SRSF6: variants seen among roughly 807,000 people sequenced by gnomAD.
The protein encoded by SRSF6 is serine/arginine-rich splicing factor 6.
In SRSF6, 17 loss-of-function variants were observed where a neutral mutation model predicts 42.0. The ratio of observed to expected loss-of-function variants is 0.40; its 90% CI spans 0.28 to 0.61. The LOEUF is 0.61. Ranked by LOEUF, SRSF6 falls within the 20% of genes least tolerant of loss-of-function variation. SRSF6 has a pLI of 0.37. For missense variants in SRSF6, 379 were observed against 471.4 expected, an observed-to-expected ratio of 0.80 and a Z score of 1.81; for synonymous variants, 204 against 166.7, an observed-to-expected ratio of 1.22 and a Z score of -1.72.
chr20:43,458,282 G>T, intron 1 of SRSF6, 79 bp from the exon 2 acceptor site: 1 of 1,404,020 alleles, frequency 7.1e-7, no homozygotes, highest in Non-Finnish European at 9.3e-7. Context: ...GGGGGCGCGC[G>T]GTGGGGTACG....
intron 4 of SRSF6, 84 bp from the exon 5 acceptor site, chr20:43,460,431 C>T (rs2017566082): frequency 2.2e-6 from 3 of 1,388,428 alleles, no homozygotes; most frequent in East Asian, 2.3e-5. Context: ...AAACATTATT[C>T]TTTGGCTTAT....
At position 43,461,344 on chromosome 20, in the gene SRSF6, T is replaced by TTTG. The variant is rs1568901728; in HGVS notation, c.*283_*284insGTT. ...TTAAGCTCATTTAGTGTTGTTTTTTTTTTTTTTTTTTTTTTTTTTTTTTTT... is the reference window on the plus strand; with the variant it reads ...TTAAGCTCATTTAGTGTTGTTTTTTTTTGTTTTTTTTTTTTTTTTTTTTTTTTT... On this transcript the variant is annotated 3_prime_UTR_variant, in exon 6 of 6. Coordinates refer to ENST00000244020, the MANE Select transcript of SRSF6 (RefSeq NM_006275.6). 8 of 34,320 alleles carry TTTG rather than the reference T, an allele frequency of 2.3e-4. No homozygotes were observed. The South Asian group carries it at 3.7e-3, about 16-fold the overall frequency. The allele number at this position is 34,320 out of a possible 1,614,324, so 2.1% of individuals were successfully genotyped here.
rs2017590018 is a variant in SRSF6, at chr20:43,461,337, G to GTTTTTTTTGTTTTTTTTTTTTTTTT, written c.*282_*283insGTTTTTTTTTTTTTTTTTTTTTTTT. The stretch of plus-strand genomic sequence containing the variant: ...GTAAAGATTAAGCTCATTTAGTGTT[G>GTTTTTTTTGTTTTTTTTTTTTTTTT]TTTTTTTTTTTTTTTTTTTTTTTTT... On this transcript the variant is annotated 3_prime_UTR_variant, in exon 6 of 6. Transcript: ENST00000244020. 2.3e-5 allele frequency: 1 copy of GTTTTTTTTGTTTTTTTTTTTTTTTT among 43,768 alleles called. No individual in the cohort carries two copies. Among genetic ancestry groups the GTTTTTTTTGTTTTTTTTTTTTTTTT allele is most frequent in the African/African-American group, 8.2e-5 (1 of 12,192 alleles). The allele number at this position is 43,768 out of a possible 1,614,324, so 2.7% of individuals were successfully genotyped here. A position where few individuals can be genotyped will look rare whatever the true frequency, so the allele number is the denominator to read the frequency against.
rs1162992755 is a variant in SRSF6, at chr20:43,464,240, GC to G, written c.*3178del. ...TTACACAATAAAACTTAGAGTTCTT[GC>G]AATAGAGCACCTAGTGTAGTAATTA... On this transcript the variant is annotated 3_prime_UTR_variant, in exon 6 of 6. Coordinates refer to ENST00000244020, the MANE Select transcript of SRSF6 (RefSeq NM_006275.6). 1.3e-5 allele frequency: 2 copies of G among 152,176 alleles called. No individual in the cohort carries two copies. The highest frequency in any genetic ancestry group is 2.9e-5 in the Non-Finnish European group (2 of 68,028). 9.4% of individuals were successfully genotyped at this position (152,176 alleles called of 1,614,324 possible). A position where few individuals can be genotyped will look rare whatever the true frequency, so the allele number is the denominator to read the frequency against.
intron 1 of SRSF6, 88 bp downstream of exon 1, chr20:43,458,228 C>A: frequency 6.8e-7 from 1 of 1,463,516 alleles, no homozygotes; most frequent in Non-Finnish European, 9.1e-7. Flanking sequence ...AAGGCCGCGG[C>A]GCCGCGTGGC....
In SRSF6 at chr20:43,463,391, T is replaced by A. The variant is rs1464837108; in HGVS notation, c.*2328T>A. 6.5e-6 allele frequency: 1 copy of A among 154,842 alleles called. No individual in the cohort carries two copies. The highest frequency in any genetic ancestry group is 2.4e-5 in the African/African-American group (1 of 41,536). 9.6% of individuals were successfully genotyped at this position (154,842 alleles called of 1,614,324 possible). On this transcript the variant is annotated 3_prime_UTR_variant, in exon 6 of 6. Transcript: ENST00000244020. ...GACATGCTCCATACCAGTGGCTAGA[T>A]GGAGTATTAAGGTGGAGCAGAAAAG...
chr20:43,458,996 T>C (rs2017544921), intron 2 of SRSF6, among the ~76,000 whole-genome samples: 1 of 152,160 alleles, frequency 6.6e-6, no homozygotes, highest in African/African-American at 2.4e-5. Flanking sequence ...TACCACAAAG[T>C]AGATCTAAAT....
At chr20:43,459,738 A>G (rs370758912) in intron 2 of SRSF6, 33 bp from the exon 3 acceptor site, 3 of 1,612,282 alleles carry the variant, frequency 1.9e-6, no homozygotes, top group South Asian at 1.1e-5. Context: ...TTATCATTAC[A>G]AGGCATCTAA....
rs2017599995 is a variant in SRSF6, at chr20:43,461,528, A to T, written c.*465A>T. The T allele has an allele frequency of 6.5e-6, 1 of 152,698 alleles. No individual in the cohort carries two copies. Among genetic ancestry groups the T allele is most frequent in the Non-Finnish European group, 1.5e-5 (1 of 68,290 alleles). 9.5% of individuals were successfully genotyped at this position (152,698 alleles called of 1,614,324 possible). A position where few individuals can be genotyped will look rare whatever the true frequency, so the allele number is the denominator to read the frequency against. Reference sequence around the variant, plus strand: ...TTTTATAAAGCTTGAGTTATGTAAGATTTAAATAAAAGTTTGCTACCAAGA... The same window carrying T: ...TTTTATAAAGCTTGAGTTATGTAAGTTTTAAATAAAAGTTTGCTACCAAGA... On this transcript the variant is annotated 3_prime_UTR_variant, in exon 6 of 6. Transcript: ENST00000244020.
intron 1 of SRSF6, 45 bp from the exon 2 acceptor site, chr20:43,458,316 G>T: frequency 1.3e-6 from 2 of 1,481,908 alleles, no homozygotes; most frequent in Non-Finnish European, 1.8e-6. Context: ...GCGCGTCCTG[G>T]CTAACGACTC....
Position 43,457,924 on chromosome 20 carries a change from T to G in SRSF6, c.-110T>G, listed in dbSNP as rs947114086. ...GTGTGGCTGGACTCGGCCGCCCCTG[T>G]GGTGTGAGGCGCGTGTTCGGGCTCT... On this transcript the variant is annotated 5_prime_UTR_variant, in exon 1 of 6. Transcript: ENST00000244020. 1.6e-5 allele frequency: 14 copies of G among 887,406 alleles called. No homozygotes were observed. Among genetic ancestry groups the G allele is most frequent in the Admixed American group, 4.4e-5 (2 of 45,760 alleles). The allele number at this position is 887,406 out of a possible 1,614,324, so 55.0% of individuals were successfully genotyped here. A position where few individuals can be genotyped will look rare whatever the true frequency, so the allele number is the denominator to read the frequency against.
At position 43,463,668 on chromosome 20, in the gene SRSF6, GA is replaced by G. The variant is rs2017641783; in HGVS notation, c.*2607del. Reference sequence around the variant, plus strand: ...CCAGATTCTTAACAAATGTTTTTTTGAATTGGAGTTTGCATTGGCAAGCCAT... The same window carrying G: ...CCAGATTCTTAACAAATGTTTTTTTGATTGGAGTTTGCATTGGCAAGCCAT... On this transcript the variant is annotated 3_prime_UTR_variant, in exon 6 of 6. Transcript: ENST00000244020. The G allele has an allele frequency of 6.6e-6, 1 of 152,506 alleles. No individual in the cohort carries two copies. The highest frequency in any genetic ancestry group is 2.4e-5 in the African/African-American group (1 of 41,420). The allele number at this position is 152,506 out of a possible 1,614,324, so 9.4% of individuals were successfully genotyped here. A position where few individuals can be genotyped will look rare whatever the true frequency, so the allele number is the denominator to read the frequency against.
rs1182219643 is a variant in SRSF6, at chr20:43,458,161, CGCGCCCAGCGTCCCAGGCCTGGTGGCG to C, written c.107+25_107+51del. The C allele has an allele frequency of 5.6e-6, 9 of 1,603,558 alleles. No homozygotes were observed. In the Middle Eastern group the frequency reaches 6.6e-4, roughly 118 times the overall value. The stretch of plus-strand genomic sequence containing the variant: ...AATGGGTGAGTCGGGCCTGGGCGCC[CGCGCCCAGCGTCCCAGGCCTGGTGGCG>C]GCGGGAACTCTCCAAGGAAAGAAGC... On this transcript the variant is annotated intron_variant, in intron 1 of 5. Coordinates refer to ENST00000244020, the MANE Select transcript of SRSF6 (RefSeq NM_006275.6).
intron 4 of SRSF6, 110 bp from the exon 5 acceptor site, chr20:43,460,405 A>G: frequency 7.2e-7 from 1 of 1,390,496 alleles, no homozygotes. Flanking sequence ...AGTGTATTTA[A>G]TTTCGTAGTA....
At position 43,458,202 on chromosome 20, in the gene SRSF6, A is replaced by G; in HGVS notation, c.107+62A>G. ...GGCCTGGTGGCGGCGGGAACTCTCC[A>G]AGGAAAGAAGCGGCCAAGGCCGCGG... On this transcript the variant is annotated intron_variant, in intron 1 of 5. Coordinates refer to ENST00000244020, the MANE Select transcript of SRSF6 (RefSeq NM_006275.6). 1.9e-6 allele frequency: 3 copies of G among 1,548,522 alleles called. No homozygotes were observed. The South Asian group carries it at 3.5e-5, about 18-fold the overall frequency.
rs773819320 is a variant in SRSF6 at position 43,461,059 on chromosome 20, A to G, written c.1031A>G (p.Asp344Gly). The G allele has an allele frequency of 5.1e-6, 8 of 1,571,236 alleles. No homozygotes were observed. Among genetic ancestry groups the G allele is most frequent in the Non-Finnish European group, 6.9e-6 (8 of 1,161,138 alleles). ...SRSRSRSSSR[D>G] ...TCAAGGTCCAGGTCGAGTTCCAGAG[A>G]TTAACTCAGAACTCCTTGTTTGCAC... Residue 344 changes from aspartate (D) to glycine (G), a missense_variant, in exon 6 of 6, where the codon GAT (aspartate) becomes GGT (glycine). Asp to Gly is a moderately conservative substitution (Grantham distance 94). This residue lies in a region of SRSF6 where 219 missense variants were observed against 216.1 expected (regional missense o/e 1.01). Coordinates refer to ENST00000244020, the MANE Select transcript of SRSF6 (RefSeq NM_006275.6).
rs2017534704 is a variant in SRSF6 at position 43,458,446 on chromosome 20, G to A, written c.193G>A (p.Val65Met). The A allele has an allele frequency of 6.5e-7, 1 of 1,532,150 alleles. No homozygotes were observed. Among genetic ancestry groups the A allele is most frequent in the East Asian group, 2.7e-5 (1 of 37,398 alleles). 94.9% of individuals were successfully genotyped at this position (1,532,150 alleles called of 1,614,324 possible). A position where few individuals can be genotyped will look rare whatever the true frequency, so the allele number is the denominator to read the frequency against. The change falls in exon 2 of 6, where the codon GTG (valine) becomes ATG (methionine). Residue 65 changes from valine to methionine, a missense_variant. Coordinates refer to ENST00000244020, the MANE Select transcript of SRSF6 (RefSeq NM_006275.6). Reference sequence around the variant, plus strand: ...CGGCAAGGAGCTCTGCGGCGAGCGCGTGATCGTAGAGCACGCCCGGGGCCC... The same window carrying A: ...CGGCAAGGAGCTCTGCGGCGAGCGCATGATCGTAGAGCACGCCCGGGGCCC... Reference protein sequence around the residue: ...LNGKELCGERVIVEHARGPRR... With the variant: ...LNGKELCGERMIVEHARGPRR...
chr20:43,458,607 G>T, intron 2 of SRSF6, 98 bp downstream of exon 2: 1 of 1,272,238 alleles, frequency 7.9e-7, no homozygotes, highest in Non-Finnish European at 1.0e-6. Context: ...GAGGGCCGGG[G>T]GTCGTTTGAC....
intron 4 of SRSF6, 83 bp downstream of exon 4, chr20:43,460,324 A>G (rs1377107758): frequency 4.0e-6 from 6 of 1,488,816 alleles, no homozygotes; most frequent in Admixed American, 3.6e-5. Flanking sequence ...ATTGTTGCCT[A>G]CTTGAATTAA....
Sources: allele counts gnomAD v4.1 joint callset (sites outside exome capture counted in the v4.1 genomes callset), GRCh38; gene constraint gnomAD v4.1.1; regional missense constraint gnomAD v4.1.1; transcripts MANE v1.5; gene names NCBI Gene and HGNC (gene_info 2026-07-23, HGNC 2026-07-21).